KCNMA1: variants seen among roughly 807,000 people sequenced by gnomAD.
KCNMA1 encodes Calcium-activated potassium channel subunit alpha-1.
Under a neutral mutation model 140.0 loss-of-function variants are expected in KCNMA1, and 29 were observed. The ratio of observed to expected loss-of-function variants is 0.21; its 90% CI spans 0.15 to 0.28. The LOEUF is 0.28. KCNMA1 is among the 10% of genes least tolerant of loss of function. KCNMA1 has a pLI of 1.00. For synonymous variants in KCNMA1, 612 were observed against 611.9 expected, an observed-to-expected ratio of 1.00 and a Z score of 0.00; for missense variants, 880 against 1,602.2, an observed-to-expected ratio of 0.55 and a Z score of 7.70.
In KCNMA1 at chr10:77,339,469, G is replaced by A. The variant is rs900860261; in HGVS notation, c.540+64393C>T. On this transcript the variant is annotated intron_variant, in intron 2 of 27. Transcript: ENST00000286628. ...TTTTCCAGACATAGCAGATGTGACT[G>A]TGTTTGTATCTACCCCCAGCAACAC... Among the ~76,000 whole-genome samples, 5 of 152,160 alleles carry A rather than the reference G, an allele frequency of 3.3e-5. No homozygotes were observed. In the South Asian group the frequency reaches 6.2e-4, roughly 19 times the overall value.
intron 2 of KCNMA1, among the ~76,000 whole-genome samples, chr10:77,366,207 C>T (rs1245080020): frequency 6.6e-6 from 1 of 151,522 alleles, no homozygotes; most frequent in African/African-American, 2.4e-5. Flanking sequence ...TCTGTCTTGT[C>T]ACCCATGCTG....
chr10:77,506,298 G>A (rs959549802), intron 1 of KCNMA1, among the ~76,000 whole-genome samples: 8 of 152,126 alleles, frequency 5.3e-5, no homozygotes, highest in African/African-American at 1.9e-4. Context: ...CCCACTGGCT[G>A]CAGCACATCT....
chr10:77,493,732 T>G (rs1345604292), intron 1 of KCNMA1: 3 of 152,248 alleles, frequency 2.0e-5, no homozygotes, highest in African/African-American at 7.2e-5. Flanking sequence ...CAGTGGCTCA[T>G]GGTCATAGCC....
chr10:77,580,646 G>T (rs1211839413), intron 1 of KCNMA1, among the ~76,000 whole-genome samples: 1 of 152,168 alleles, frequency 6.6e-6, no homozygotes, highest in Admixed American at 6.5e-5. Flanking sequence ...CATGTGATGA[G>T]GGGCCTCTTG....
chr10:77,010,822 A>G (rs2090533300), intron 18 of KCNMA1, among the ~76,000 whole-genome samples: 1 of 151,790 alleles, frequency 6.6e-6, no homozygotes, highest in Admixed American at 6.6e-5. Context: ...GCTTGTGAAC[A>G]AGGATTTTAT....
intron 3 of KCNMA1, among the ~76,000 whole-genome samples, chr10:77,232,952 T>C (rs2054119968): frequency 6.7e-6 from 1 of 148,752 alleles, no homozygotes; most frequent in Admixed American, 6.7e-5. Context: ...AGTGGCACAA[T>C]CACAACTCAC....
intron 3 of KCNMA1, among the ~76,000 whole-genome samples, chr10:77,217,294 CAAA>C (rs549072905): frequency 2.7e-5 from 3 of 112,684 alleles, no homozygotes; most frequent in Non-Finnish European, 1.9e-5. Context: ...GACTCTGTCT[CAAA>C]AAAAAAAAAA....
intron 6 of KCNMA1, among the ~76,000 whole-genome samples, chr10:77,114,015 C>T (rs1394311677): frequency 6.6e-6 from 1 of 152,162 alleles, no homozygotes; most frequent in African/African-American, 2.4e-5. Flanking sequence ...GGGATGGCAT[C>T]ACATCAGGAT....
At chr10:77,610,036 T>C (rs2673463) in intron 1 of KCNMA1, among the ~76,000 whole-genome samples, 79,508 of 152,024 alleles carry the variant, frequency 0.52, 21,348 homozygotes, top group African/African-American at 0.62. Flanking sequence ...AAAGGCCAGG[T>C]CACCCTGTTC....
At chr10:77,591,223 G>A (rs939945894) in intron 1 of KCNMA1, among the ~76,000 whole-genome samples, 22 of 152,076 alleles carry the variant, frequency 1.4e-4, no homozygotes, top group African/African-American at 5.1e-4. Flanking sequence ...CAAGAGGATT[G>A]GACAAGGCCA....
At chr10:77,278,906 C>T (rs1280781805) in intron 2 of KCNMA1, among the ~76,000 whole-genome samples, 1 of 152,204 alleles carries the variant, frequency 6.6e-6, no homozygotes, top group Non-Finnish European at 1.5e-5. Context: ...TTGTTACAGA[C>T]ATTCCTGTAA....
At chr10:77,173,310 A>G (rs1461090925) in intron 5 of KCNMA1, among the ~76,000 whole-genome samples, 1 of 152,136 alleles carries the variant, frequency 6.6e-6, no homozygotes, top group African/African-American at 2.4e-5. Context: ...AGTAACATGG[A>G]CTTTGGAGGT....
At chr10:77,283,112 T>A (rs573556233) in intron 2 of KCNMA1, among the ~76,000 whole-genome samples, 1 of 152,334 alleles carries the variant, frequency 6.6e-6, no homozygotes, top group African/African-American at 2.4e-5. Flanking sequence ...GGTGCTCCCA[T>A]TGACTAGTCT....
At chr10:77,549,540 T>A (rs1466615136) in intron 1 of KCNMA1, among the ~76,000 whole-genome samples, 1 of 152,214 alleles carries the variant, frequency 6.6e-6, no homozygotes, top group Non-Finnish European at 1.5e-5. Context: ...TAACCAGTTG[T>A]GGGCTGCAGT....
intron 16 of KCNMA1, among the ~76,000 whole-genome samples, chr10:77,022,233 T>C (rs1018454332): frequency 2.6e-4 from 39 of 152,156 alleles, no homozygotes; most frequent in Admixed American, 2.5e-3. Flanking sequence ...GTTCTCTAGC[T>C]CCAACTTTAT....
intron 13 of KCNMA1, among the ~76,000 whole-genome samples, chr10:77,074,599 G>A (rs1274912596): frequency 2.0e-5 from 3 of 152,214 alleles, no homozygotes; most frequent in Non-Finnish European, 4.4e-5. Flanking sequence ...CTTTGTTCTA[G>A]AAGCCAGAAT....
At chr10:77,230,342 G>C (rs899205740) in intron 3 of KCNMA1, among the ~76,000 whole-genome samples, 1 of 152,214 alleles carries the variant, frequency 6.6e-6, no homozygotes, top group Non-Finnish European at 1.5e-5. Flanking sequence ...TGGGTTTACA[G>C]AAATGTCTTG....
rs2051528077 is a variant in KCNMA1 at position 76,913,971 on chromosome 10, G to A, written c.3016+965C>T. 3 of 1,025,670 alleles carry A rather than the reference G, an allele frequency of 2.9e-6. No homozygotes were observed. In the South Asian group the frequency reaches 4.3e-5, roughly 15 times the overall value. The allele number at this position is 1,025,670 out of a possible 1,614,324, so 63.5% of individuals were successfully genotyped here. On this transcript the variant is annotated intron_variant, in intron 24 of 27. Coordinates refer to ENST00000286628, the MANE Select transcript of KCNMA1 (RefSeq NM_001161352.2). The stretch of plus-strand genomic sequence containing the variant: ...GGGTAGCCTTTCTGTTACAGCCGGT[G>A]AAATAAAAACAAGCTGATGATAGTT...
intron 2 of KCNMA1, among the ~76,000 whole-genome samples, chr10:77,283,229 CCTT>C (rs2069355237): frequency 6.6e-6 from 1 of 152,212 alleles, no homozygotes; most frequent in Non-Finnish European, 1.5e-5. Flanking sequence ...TTCACATACA[CCTT>C]CTTCTTTCTG....
Sources: allele counts gnomAD v4.1 joint callset (sites outside exome capture counted in the v4.1 genomes callset), GRCh38; gene constraint gnomAD v4.1.1; transcripts MANE v1.5; gene names NCBI Gene and HGNC (gene_info 2026-07-23, HGNC 2026-07-21).